Variants in PCDH15 observed in about 807,000 individuals in gnomAD.
The protein encoded by PCDH15 is protocadherin-15.
Under a neutral mutation model 178.5 loss-of-function variants are expected in PCDH15, and 129 were observed. The observed-to-expected ratio is 0.72, with a 90% CI of 0.63 to 0.84. PCDH15 has a LOEUF of 0.84. PCDH15 is among the 40% of genes least tolerant of loss of function. PCDH15 has a pLI of 0.00. For synonymous variants in PCDH15, 800 were observed against 732.0 expected (o/e 1.09, Z -1.50); for missense variants, 2,230 against 2,099.9 (o/e 1.06, Z -1.21).
intron 3 of PCDH15, among the ~76,000 whole-genome samples, chr10:54,524,359 T>C (rs2083177059): frequency 2.0e-5 from 3 of 152,226 alleles, no homozygotes; most frequent in Non-Finnish European, 4.4e-5. Flanking sequence ...AGTGGTGTGT[T>C]CCAACCATGA....
At chr10:54,521,962 C>A (rs2082914281) in intron 3 of PCDH15, among the ~76,000 whole-genome samples, 1 of 151,516 alleles carries the variant, frequency 6.6e-6, no homozygotes, top group African/African-American at 2.4e-5. Context: ...GTGGTGGGTG[C>A]ATGTGGTCCT....
intron 3 of PCDH15, among the ~76,000 whole-genome samples, chr10:54,857,040 G>A (rs1430931660): frequency 1.3e-5 from 2 of 152,074 alleles, no homozygotes; most frequent in African/African-American, 4.8e-5. Flanking sequence ...TTTACTAGAG[G>A]AGGAATGTCA....
chr10:54,462,467 C>CCTTT (rs1268887445), intron 3 of PCDH15, among the ~76,000 whole-genome samples: 61 of 138,486 alleles, frequency 4.4e-4, no homozygotes, highest in Non-Finnish European at 6.8e-4. Flanking sequence ...ATTTGTTAAT[C>CCTTT]CTTTCTTTCT....
chr10:54,741,402 G>T (rs1284922622), intron 1 of PCDH15, among the ~76,000 whole-genome samples: 2 of 151,752 alleles, frequency 1.3e-5, no homozygotes, highest in African/African-American at 2.4e-5. Flanking sequence ...TACAGATGAG[G>T]TCACATGGTC....
intron 1 of PCDH15, among the ~76,000 whole-genome samples, chr10:55,175,377 C>A (rs1054809987): frequency 2.6e-4 from 39 of 151,940 alleles, no homozygotes; most frequent in African/African-American, 9.2e-4. Context: ...TCAGGCAGAA[C>A]CTGATATTAG....
At chr10:54,123,651 C>G (rs778506620) in intron 15 of PCDH15, among the ~76,000 whole-genome samples, 1 of 151,966 alleles carries the variant, frequency 6.6e-6, no homozygotes, top group Non-Finnish European at 1.5e-5. Flanking sequence ...TACCATCTGA[C>G]CCAGCAATGC....
rs552188017 is a variant in PCDH15, at chr10:54,669,704, GT to G, written c.-28-5415del. On this transcript the variant is annotated intron_variant, in intron 1 of 37. Transcript: ENST00000644397. ...TACTAGATCTTTGCTCGGGCTTACA[GT>G]TTTTTTTAACATGCTACTACATCTG... Among the ~76,000 whole-genome samples, 6 of 147,752 alleles carry G rather than the reference GT, an allele frequency of 4.1e-5. No individual in the cohort carries two copies. The East Asian group carries it at 5.9e-4, about 14-fold the overall frequency.
At chr10:55,090,209 CAAAGA>C (rs1327421387) in intron 2 of PCDH15, among the ~76,000 whole-genome samples, 1 of 151,734 alleles carries the variant, frequency 6.6e-6, no homozygotes, top group Non-Finnish European at 1.5e-5. Flanking sequence ...CATCAGTTAT[CAAAGA>C]AAAGCATTAA....
chr10:55,438,044 A>T (rs10825513), intron 2 of PCDH15, among the ~76,000 whole-genome samples: 57,254 of 151,552 alleles, frequency 0.38, 11,741 homozygotes, highest in East Asian at 0.83. Context: ...CATGTTGGTC[A>T]GGCTGGTCTC....
At chr10:54,129,770 G>A (rs987425270) in intron 15 of PCDH15, among the ~76,000 whole-genome samples, 9 of 152,082 alleles carry the variant, frequency 5.9e-5, no homozygotes, top group African/African-American at 1.7e-4. Flanking sequence ...GGAACCCTTT[G>A]TATACAAAAG....
chr10:55,284,534 ATGACTC>A (rs1842816764), intron 1 of PCDH15, among the ~76,000 whole-genome samples: 1 of 151,536 alleles, frequency 6.6e-6, no homozygotes. Context: ...AAATGATTCT[ATGACTC>A]TGACCTTTGC....
At position 53,806,697 on chromosome 10, in the gene PCDH15, A is replaced by G. The variant is rs748166170; in HGVS notation, c.5105T>C (p.Ile1702Thr). 1.5e-5 allele frequency: 24 copies of G among 1,613,716 alleles called. No individual in the cohort carries two copies. Among genetic ancestry groups the G allele is most frequent in the Non-Finnish European group, 1.8e-5 (21 of 1,179,814 alleles). The change falls in exon 38 of 38, where the codon ATT becomes ACT. Residue 1702 changes from isoleucine to threonine, a missense_variant. Transcript: ENST00000644397. ...AGCCTCCTTGATGTTCTTACTGTCA[A>G]TCATGGACTCCTGTTCAACTGTGCT... ...LKSTVEQESMIDSKNIKEALE... is the reference protein window; with the variant it reads ...LKSTVEQESMTDSKNIKEALE...
chr10:54,506,791 C>T (rs2081205324), intron 3 of PCDH15, among the ~76,000 whole-genome samples: 1 of 151,300 alleles, frequency 6.6e-6, no homozygotes. Context: ...GGGTAGGAGA[C>T]AAAAAAATGA....
At chr10:54,774,177 T>C (rs1164999701) in intron 1 of PCDH15, among the ~76,000 whole-genome samples, 2 of 151,744 alleles carry the variant, frequency 1.3e-5, no homozygotes, top group African/African-American at 4.8e-5. Flanking sequence ...CACAGGCGCC[T>C]GCCACCACAC....
intron 8 of PCDH15, among the ~76,000 whole-genome samples, chr10:54,316,271 A>G (rs553379371): frequency 4.6e-5 from 7 of 152,148 alleles, no homozygotes; most frequent in African/African-American, 1.4e-4. Context: ...TATTAATATT[A>G]TAACATTGGA....
At chr10:55,186,057 G>C (rs1398032898) in intron 1 of PCDH15, among the ~76,000 whole-genome samples, 3 of 151,536 alleles carry the variant, frequency 2.0e-5, no homozygotes, top group Non-Finnish European at 4.4e-5. Context: ...AAGTCATCAA[G>C]GATGTCAACA....
intron 2 of PCDH15, among the ~76,000 whole-genome samples, chr10:54,641,565 G>C (rs1259561710): frequency 1.4e-5 from 2 of 147,934 alleles, no homozygotes; most frequent in Non-Finnish European, 3.0e-5. Flanking sequence ...TCATACACAG[G>C]TACACATATG....
intron 21 of PCDH15, among the ~76,000 whole-genome samples, chr10:53,962,876 G>A (rs947184077): frequency 2.0e-5 from 3 of 152,174 alleles, no homozygotes; most frequent in Non-Finnish European, 2.9e-5. Flanking sequence ...ATTGAGGTGA[G>A]CACTGTAACA....
At chr10:55,311,727 G>A (rs528937829) in intron 1 of PCDH15, among the ~76,000 whole-genome samples, 19 of 152,166 alleles carry the variant, frequency 1.2e-4, no homozygotes, top group Middle Eastern at 3.4e-3. Flanking sequence ...TCTTCTTTGC[G>A]GCTAAAGGAT....
Sources: allele counts gnomAD v4.1 joint callset (sites outside exome capture counted in the v4.1 genomes callset), GRCh38; gene constraint gnomAD v4.1.1; transcripts MANE v1.5; gene names NCBI Gene and HGNC (gene_info 2026-07-23, HGNC 2026-07-21).